COL28A1: variants seen among roughly 807,000 people sequenced by gnomAD.
The protein encoded by COL28A1 is collagen alpha-1(XXVIII) chain.
COL28A1 carries 161 observed loss-of-function variants against 150.2 expected under a neutral mutation model. The observed-to-expected ratio is 1.07, with a 90% confidence interval of 0.94 to 1.22. COL28A1 has a LOEUF of 1.22. COL28A1 is among the 50% of genes most tolerant of loss of function. COL28A1 has a pLI of 0.00. For synonymous variants in COL28A1, 552 were observed against 469.7 expected (o/e 1.18, Z -2.26); for missense variants, 1,617 against 1,388.3 (o/e 1.16, Z -2.62).
At chr7:7,500,289 C>T (rs1396551009) in intron 11 of COL28A1, among the ~76,000 whole-genome samples, 1 of 152,200 alleles carries the variant, frequency 6.6e-6, no homozygotes, top group East Asian at 1.9e-4. Context: ...CTGTTGACCA[C>T]TCATGCCATT....
At chr7:7,471,613 G>T (rs1385025509) in intron 15 of COL28A1, among the ~76,000 whole-genome samples, 1 of 152,160 alleles carries the variant, frequency 6.6e-6, no homozygotes, top group Non-Finnish European at 1.5e-5. Context: ...GAATAAAACA[G>T]GCTGGGCATG....
chr7:7,536,947 T>C (rs1782665628), upstream of COL28A1, among the ~76,000 whole-genome samples: 1 of 152,128 alleles, frequency 6.6e-6, no homozygotes, highest in South Asian at 2.1e-4. Flanking sequence ...AGTGAAACAA[T>C]TGATAATGAA....
intron 9 of COL28A1, among the ~76,000 whole-genome samples, chr7:7,509,768 CT>C (rs1241730550): frequency 2.0e-5 from 3 of 152,012 alleles, no homozygotes; most frequent in African/African-American, 7.2e-5. Context: ...CCCAGGTATT[CT>C]TTGACTTTCA....
downstream of COL28A1, among the ~76,000 whole-genome samples, chr7:7,355,652 C>T (rs551464701): frequency 9.6e-4 from 146 of 152,094 alleles, no homozygotes; most frequent in Non-Finnish European, 1.8e-3. Context: ...TATACCTATA[C>T]TAGCAAAATA....
intron 27 of COL28A1, among the ~76,000 whole-genome samples, chr7:7,406,261 T>C (rs1783487249): frequency 6.6e-6 from 1 of 152,188 alleles, no homozygotes. Context: ...TGAATTAAAG[T>C]ATATATGAAT....
intron 27 of COL28A1, among the ~76,000 whole-genome samples, chr7:7,405,890 C>T (rs1208307697): frequency 3.3e-5 from 5 of 152,026 alleles, no homozygotes; most frequent in South Asian, 2.1e-4. Flanking sequence ...AAAAGTAGGA[C>T]CTAGATCAGA....
At chr7:7,385,745 C>T (rs566888352) in intron 27 of COL28A1, among the ~76,000 whole-genome samples, 7 of 152,260 alleles carry the variant, frequency 4.6e-5, no homozygotes, top group African/African-American at 1.7e-4. Flanking sequence ...CATTACTTCA[C>T]AATGTAAGTA....
chr7:7,525,333 T>G (rs1213642992), intron 3 of COL28A1, among the ~76,000 whole-genome samples: 1 of 152,236 alleles, frequency 6.6e-6, no homozygotes, highest in Non-Finnish European at 1.5e-5. Flanking sequence ...TGTCATGATC[T>G]TGTTTTTGTC....
chr7:7,369,691 T>C (rs16877792), intron 33 of COL28A1, among the ~76,000 whole-genome samples: 15,738 of 152,212 alleles, frequency 0.1, 2,777 homozygotes, highest in African/African-American at 0.36. Flanking sequence ...CCTGTGCCCT[T>C]AGGAATGGTA....
In COL28A1 at chr7:7,358,745, T is replaced by C. The variant is rs1173009434; in HGVS notation, c.3266A>G (p.Tyr1089Cys). The change falls in exon 35 of 35, where the codon TAT (tyrosine) becomes TGT (cysteine). Residue 1089 changes from tyrosine to cysteine, a missense_variant. Physicochemically the swap from Tyr to Cys is radical, Grantham distance 194. Transcript: ENST00000399429. ...GNCGEYVVRW[Y>C]YDKQVNSCAR... ...ACAAGAGTTGACCTGTTTGTCATAA[T>C]ACCATCGAACCACATATTCACCACA... 3.1e-6 allele frequency: 5 copies of C among 1,613,914 alleles called. No homozygotes were observed. The East Asian group carries it at 8.9e-5, about 29-fold the overall frequency.
At chr7:7,528,844 A>G (rs934413147) in intron 3 of COL28A1, among the ~76,000 whole-genome samples, 1 of 152,274 alleles carries the variant, frequency 6.6e-6, no homozygotes, top group Admixed American at 6.5e-5. Context: ...AAGCTCATGG[A>G]ATTGTGCCCT....
chr7:7,487,584 T>A (rs563734660), intron 13 of COL28A1, among the ~76,000 whole-genome samples: 4 of 152,178 alleles, frequency 2.6e-5, no homozygotes, highest in African/African-American at 9.6e-5. Context: ...TTAAAAAAAA[T>A]TAATTATGAC....
intron 2 of COL28A1, among the ~76,000 whole-genome samples, chr7:7,532,452 T>G (rs923391136): frequency 9.9e-5 from 15 of 152,078 alleles, no homozygotes; most frequent in African/African-American, 3.4e-4. Flanking sequence ...AGTATGCCAC[T>G]CGACCTGTTA....
chr7:7,481,867 G>T (rs1425026878), intron 13 of COL28A1, among the ~76,000 whole-genome samples: 1 of 151,808 alleles, frequency 6.6e-6, no homozygotes. Context: ...AATAATTATA[G>T]TTCCCTTTCA....
At chr7:7,436,815 G>A (rs1054959030) in intron 22 of COL28A1, among the ~76,000 whole-genome samples, 6 of 152,170 alleles carry the variant, frequency 3.9e-5, no homozygotes, top group African/African-American at 1.4e-4. Context: ...CAAGGCAGGC[G>A]GGTCACTTGA....
intron 7 of COL28A1, among the ~76,000 whole-genome samples, chr7:7,516,458 T>C (rs1001738777): frequency 2.6e-5 from 4 of 152,222 alleles, no homozygotes; most frequent in African/African-American, 9.6e-5. Flanking sequence ...CTTCTGTGTG[T>C]CACCCTTGGG....
intron 33 of COL28A1, among the ~76,000 whole-genome samples, chr7:7,363,570 A>T (rs886455391): frequency 6.6e-6 from 1 of 151,954 alleles, no homozygotes; most frequent in African/African-American, 2.4e-5. Context: ...TGTGGATATC[A>T]AAAAAAAGAA....
chr7:7,537,451 A>C (rs1405550339), upstream of COL28A1, among the ~76,000 whole-genome samples: 2 of 152,222 alleles, frequency 1.3e-5, no homozygotes, highest in Non-Finnish European at 2.9e-5. Flanking sequence ...ACATTGAACA[A>C]AATATTATTC....
At chr7:7,483,361 A>G (rs896271656) in intron 13 of COL28A1, among the ~76,000 whole-genome samples, 3 of 152,220 alleles carry the variant, frequency 2.0e-5, no homozygotes, top group Admixed American at 6.5e-5. Flanking sequence ...TATATATTCA[A>G]TGAAAGAACA....
Sources: gnomAD v4.1 joint callset for allele counts (sites outside exome capture counted in the v4.1 genomes callset) on GRCh38, gnomAD v4.1.1 for gene constraint, MANE v1.5 for transcripts, NCBI Gene and HGNC (gene_info 2026-07-23, HGNC 2026-07-21) for gene names.